RABGEF1: variants seen among roughly 807,000 people sequenced by gnomAD.
The protein encoded by RABGEF1 is RAB guanine nucleotide exchange factor 1.
RABGEF1 carries 26 observed loss-of-function variants against 57.3 expected under a neutral mutation model. The ratio of observed to expected loss-of-function variants is 0.45; its 90% CI spans 0.33 to 0.63. The LOEUF is 0.63. Among genes scored for constraint, RABGEF1 ranks in the 20% least tolerant of loss-of-function variants. RABGEF1 has a pLI of 0.02. For missense variants in RABGEF1, 464 were observed against 607.6 expected (o/e 0.76, Z 2.48); for synonymous variants, 185 against 210.7 (o/e 0.88, Z 1.06).
intron 4 of RABGEF1, among the ~76,000 whole-genome samples, chr7:66,787,858 CTGAA>C (rs1811578760): frequency 6.6e-6 from 1 of 152,182 alleles, no homozygotes; most frequent in African/African-American, 2.4e-5. Context: ...TATTACCTAA[CTGAA>C]TGAGATCTGT....
intron 2 of RABGEF1, among the ~76,000 whole-genome samples, chr7:66,732,040 G>A (rs545793808): frequency 2.1e-3 from 318 of 152,326 alleles, no homozygotes; most frequent in African/African-American, 6.9e-3. Context: ...AGCCGCCTGC[G>A]GGCCAGGGCT....
the RABGEF1 span, among the ~76,000 whole-genome samples, chr7:66,655,055 C>T: frequency 6.6e-6 from 1 of 152,216 alleles, no homozygotes; most frequent in Non-Finnish European, 1.5e-5. Context: ...CTCTGGAACG[C>T]GCCTAGCTGG....
intron 2 of RABGEF1, among the ~76,000 whole-genome samples, chr7:66,718,515 G>A (rs1584909716): frequency 6.6e-6 from 1 of 151,988 alleles, no homozygotes; most frequent in African/African-American, 2.4e-5. Context: ...TGTTTTGGAT[G>A]TCTCAAACAT....
the RABGEF1 span, among the ~76,000 whole-genome samples, chr7:66,658,990 C>G: frequency 6.6e-6 from 1 of 152,218 alleles, no homozygotes; most frequent in South Asian, 2.1e-4. Flanking sequence ...CTGCCTTGGC[C>G]TTCCAAAATG....
chr7:66,670,121 G>T, the RABGEF1 span, among the ~76,000 whole-genome samples: 5 of 151,866 alleles, frequency 3.3e-5, no homozygotes, highest in Non-Finnish European at 7.4e-5. Flanking sequence ...CACCAAAATC[G>T]ACACCCCCCA....
chr7:66,766,173 C>CA (rs1363635521), intron 1 of RABGEF1, among the ~76,000 whole-genome samples: 1 of 151,380 alleles, frequency 6.6e-6, no homozygotes, highest in Non-Finnish European at 1.5e-5. Context: ...ACCGCCTCTA[C>CA]AAAAAAATAA....
intron 2 of RABGEF1, among the ~76,000 whole-genome samples, chr7:66,726,616 C>T (rs1796610627): frequency 1.3e-5 from 2 of 152,092 alleles, no homozygotes; most frequent in South Asian, 4.1e-4. Context: ...ATCCCCCGAC[C>T]TCAGCCTCCC....
intron 1 of RABGEF1, among the ~76,000 whole-genome samples, chr7:66,686,687 G>T (rs1203077996): frequency 6.6e-6 from 1 of 152,124 alleles, no homozygotes; most frequent in South Asian, 2.1e-4. Flanking sequence ...GTTGGATAAA[G>T]CTCCTAAAAT....
At chr7:66,685,427 G>C (rs1790471276) in intron 1 of RABGEF1, among the ~76,000 whole-genome samples, 1 of 152,058 alleles carries the variant, frequency 6.6e-6, no homozygotes, top group Non-Finnish European at 1.5e-5. Context: ...GGCCAAGGTG[G>C]GAGAATCACT....
chr7:66,688,107 A>C lies in RABGEF1; in HGVS notation c.-873+5849A>C, dbSNP rs1166025277. ...TGTCAAAAAAAAAAAAAAAAAAAAA[A>C]GTAACCAAATGACATCAGGAGTGGC... On this transcript the variant is annotated intron_variant and NMD_transcript_variant, in intron 1 of 9. Coordinates refer to the RABGEF1 transcript ENST00000607882. Among the ~76,000 whole-genome samples, 5 of 141,812 alleles carry C rather than the reference A, an allele frequency of 3.5e-5. No homozygotes were observed. The South Asian group carries it at 1.1e-3, about 32-fold the overall frequency. 93.0% of individuals were successfully genotyped at this position (141,812 alleles called of 152,430 possible). A position where few individuals can be genotyped will look rare whatever the true frequency, so the allele number is the denominator to read the frequency against.
At chr7:66,777,344 G>A (rs1808795015) in intron 3 of RABGEF1, among the ~76,000 whole-genome samples, 1 of 152,090 alleles carries the variant, frequency 6.6e-6, no homozygotes, top group Non-Finnish European at 1.5e-5. Context: ...TGCACAATGA[G>A]TTTGTGCATG....
At chr7:66,685,233 A>C (rs1339877618) in intron 1 of RABGEF1, among the ~76,000 whole-genome samples, 5 of 144,012 alleles carry the variant, frequency 3.5e-5, no homozygotes, top group African/African-American at 1.3e-4. Context: ...TGGCCACTAC[A>C]ACCTCCACCT....
At chr7:66,744,094 T>C (rs1198353356) in intron 1 of RABGEF1, among the ~76,000 whole-genome samples, 1 of 151,332 alleles carries the variant, frequency 6.6e-6, no homozygotes, top group East Asian at 1.9e-4. Context: ...TGGAGTGCAG[T>C]GGCATGATCT....
chr7:66,763,909 C>T (rs564568523), intron 1 of RABGEF1, among the ~76,000 whole-genome samples: 8 of 152,220 alleles, frequency 5.3e-5, no homozygotes, highest in Admixed American at 5.2e-4. Context: ...GTTGTTTCTG[C>T]TCTTGGACTA....
chr7:66,718,000 A>G (rs751992842), intron 2 of RABGEF1, among the ~76,000 whole-genome samples: 93 of 152,130 alleles, frequency 6.1e-4, no homozygotes, highest in African/African-American at 2.0e-3. Flanking sequence ...TGTATCTTCT[A>G]TTTTCCTGCT....
chr7:66,725,778 A>G (rs1403331201), intron 2 of RABGEF1, among the ~76,000 whole-genome samples: 2 of 152,204 alleles, frequency 1.3e-5, no homozygotes, highest in African/African-American at 2.4e-5. Flanking sequence ...GCTTTGCAAA[A>G]GGTCTGAGGG....
intron 4 of RABGEF1, among the ~76,000 whole-genome samples, chr7:66,788,687 T>C (rs1811822905): frequency 6.6e-6 from 1 of 152,148 alleles, no homozygotes; most frequent in Admixed American, 6.5e-5. Context: ...CCTATAAAAA[T>C]CTGATACTGA....
At chr7:66,751,560 A>G (rs1014246153) in intron 1 of RABGEF1, among the ~76,000 whole-genome samples, 1 of 152,044 alleles carries the variant, frequency 6.6e-6, no homozygotes, top group Non-Finnish European at 1.5e-5. Flanking sequence ...ATCACCTAAT[A>G]CTGCTAGAGA....
At chr7:66,764,461 G>T (rs1314435240) in intron 1 of RABGEF1, among the ~76,000 whole-genome samples, 3 of 152,098 alleles carry the variant, frequency 2.0e-5, no homozygotes, top group African/African-American at 7.2e-5. Context: ...TTAAAATTTT[G>T]TTGGAGTACA....
Sources: gnomAD v4.1 joint callset for allele counts (sites outside exome capture counted in the v4.1 genomes callset) on GRCh38, gnomAD v4.1.1 for gene constraint, MANE v1.5 for transcripts, NCBI Gene and HGNC (gene_info 2026-07-23, HGNC 2026-07-21) for gene names.